Variants in PRKN observed in about 807,000 individuals in gnomAD.
The protein encoded by PRKN is E3 ubiquitin-protein ligase parkin.
Under a neutral mutation model 59.5 loss-of-function variants are expected in PRKN, and 56 were observed. The observed-to-expected ratio is 0.94, with a 90% CI of 0.76 to 1.18. The LOEUF (loss-of-function observed/expected upper bound fraction) is 1.18, where lower values mean the gene tolerates loss of function less well. Ranked by LOEUF, PRKN falls within the 50% of genes most tolerant of loss-of-function variation. PRKN has a pLI of 0.00. For missense variants in PRKN, 657 were observed against 596.4 expected (o/e 1.10, Z -1.06); for synonymous variants, 250 against 222.1 (o/e 1.13, Z -1.12).
intron 2 of PRKN, among the ~76,000 whole-genome samples, chr6:162,288,443 G>A (rs1198306208): frequency 2.0e-5 from 3 of 152,108 alleles, no homozygotes; most frequent in East Asian, 1.9e-4. Context: ...CGGCTGGCTT[G>A]TTCAGCAAAA....
At chr6:162,611,478 A>G (rs1782149473) in intron 1 of PRKN, among the ~76,000 whole-genome samples, 1 of 152,190 alleles carries the variant, frequency 6.6e-6, no homozygotes, top group Admixed American at 6.5e-5. Flanking sequence ...ATAACCATTC[A>G]CAGAGTAAAT....
chr6:161,415,870 T>C (rs1285505153), intron 9 of PRKN, among the ~76,000 whole-genome samples: 1 of 151,952 alleles, frequency 6.6e-6, no homozygotes, highest in Non-Finnish European at 1.5e-5. Context: ...TGGAGCTGCA[T>C]TGCTCTCTGG....
intron 5 of PRKN, among the ~76,000 whole-genome samples, chr6:162,020,524 T>C (rs1783106118): frequency 6.6e-6 from 1 of 152,148 alleles, no homozygotes; most frequent in Non-Finnish European, 1.5e-5. Context: ...AGGCTAAACA[T>C]ACATATCTTG....
chr6:162,258,199 C>G (rs1263749178), intron 3 of PRKN, among the ~76,000 whole-genome samples: 1 of 152,284 alleles, frequency 6.6e-6, no homozygotes, highest in South Asian at 2.1e-4. Flanking sequence ...TGCTGTTTCT[C>G]GATAGAACAC....
chr6:162,680,598 C>T (rs924227989), intron 1 of PRKN, among the ~76,000 whole-genome samples: 5 of 152,002 alleles, frequency 3.3e-5, no homozygotes, highest in African/African-American at 1.2e-4. Flanking sequence ...CAGTAGAATG[C>T]TTATTTCAAT....
chr6:162,709,621 T>A (rs1038571032), intron 1 of PRKN, among the ~76,000 whole-genome samples: 1 of 152,200 alleles, frequency 6.6e-6, no homozygotes, highest in East Asian at 1.9e-4. Flanking sequence ...TGCTGCTTAT[T>A]GTGCCAAGGG....
chr6:161,856,211 T>G (rs1793643659), intron 6 of PRKN, among the ~76,000 whole-genome samples: 1 of 151,960 alleles, frequency 6.6e-6, no homozygotes, highest in African/African-American at 2.4e-5. Flanking sequence ...AATACAAAAA[T>G]TAGCCAGGCA....
chr6:161,695,729 G>A (rs1048333031), intron 7 of PRKN, among the ~76,000 whole-genome samples: 64 of 152,180 alleles, frequency 4.2e-4, no homozygotes, highest in African/African-American at 1.5e-3. Context: ...TGAGAGACAG[G>A]GTGAGGATTA....
intron 5 of PRKN, among the ~76,000 whole-genome samples, chr6:161,995,536 C>T (rs1483712379): frequency 1.3e-5 from 2 of 151,948 alleles, no homozygotes; most frequent in African/African-American, 4.8e-5. Context: ...CCAGAATACA[C>T]AAGGAACTCA....
At chr6:162,061,790 T>G (rs544085795) in intron 4 of PRKN, among the ~76,000 whole-genome samples, 1 of 152,220 alleles carries the variant, frequency 6.6e-6, no homozygotes, top group Non-Finnish European at 1.5e-5. Flanking sequence ...ACCCTGAGAC[T>G]GCAGTTATAA....
At chr6:162,405,392 CA>C (rs1788007874) in intron 2 of PRKN, among the ~76,000 whole-genome samples, 2 of 152,258 alleles carry the variant, frequency 1.3e-5, no homozygotes, top group South Asian at 4.1e-4. Context: ...TGTATGAATT[CA>C]ATGCACAGTA....
intron 4 of PRKN, among the ~76,000 whole-genome samples, chr6:162,186,367 C>A (rs77977813): frequency 6.6e-6 from 1 of 151,178 alleles, no homozygotes; most frequent in South Asian, 2.1e-4. Flanking sequence ...AAAGTACATC[C>A]TTTTCTTCCA....
intron 2 of PRKN, among the ~76,000 whole-genome samples, chr6:162,432,396 C>T (rs924926706): frequency 2.6e-5 from 4 of 151,896 alleles, no homozygotes; most frequent in Admixed American, 6.6e-5. Flanking sequence ...TGTGTTGGCA[C>T]GCAGCTGTAA....
chr6:161,639,650 G>A (rs559736013), intron 7 of PRKN, among the ~76,000 whole-genome samples: 3 of 152,316 alleles, frequency 2.0e-5, no homozygotes, highest in African/African-American at 7.2e-5. Context: ...CATGGAGAGG[G>A]AGGCCTCAGG....
intron 7 of PRKN, among the ~76,000 whole-genome samples, chr6:161,676,955 G>A (rs929722559): frequency 7.2e-5 from 11 of 152,090 alleles, no homozygotes; most frequent in African/African-American, 2.4e-4. Context: ...AGTAATCTGC[G>A]GTCTTTCATC....
chr6:161,481,560 C>T (rs1791399368), intron 9 of PRKN, among the ~76,000 whole-genome samples: 1 of 151,974 alleles, frequency 6.6e-6, no homozygotes, highest in African/African-American at 2.4e-5. Flanking sequence ...GCTGAGGTCG[C>T]ACCACTGCAC....
intron 2 of PRKN, among the ~76,000 whole-genome samples, chr6:162,412,762 C>A (rs1788412370): frequency 6.6e-6 from 1 of 151,928 alleles, no homozygotes. Flanking sequence ...AAAAATTGAG[C>A]TTGAGAACTG....
chr6:162,137,706 A>G (rs1356761926), intron 4 of PRKN, among the ~76,000 whole-genome samples: 1 of 152,186 alleles, frequency 6.6e-6, no homozygotes, highest in Non-Finnish European at 1.5e-5. Context: ...AAGGGGGCTG[A>G]ACTTGCCCTT....
rs540067328 is a variant in PRKN at position 162,013,645 on chromosome 6, T to C, written c.619-40228A>G. On this transcript the variant is annotated intron_variant, in intron 5 of 11. Transcript: ENST00000366898. ...GCATCACAGTGTTTATTCGAGACTC[T>C]TCTTTTTCAATATCTGTAGCTTCCT... 2.0e-5 allele frequency among the ~76,000 whole-genome samples: 3 copies of C among 152,328 alleles called. No homozygotes were observed. In the South Asian group the frequency reaches 6.2e-4, roughly 32 times the overall value.
Sources: gnomAD v4.1 joint callset for allele counts (sites outside exome capture counted in the v4.1 genomes callset) on GRCh38, gnomAD v4.1.1 for gene constraint, MANE v1.5 for transcripts, NCBI Gene and HGNC (gene_info 2026-07-23, HGNC 2026-07-21) for gene names.